Variants in COMMD1 observed in about 807,000 individuals in gnomAD.
COMMD1 encodes the protein copper metabolism domain containing 1.
Under a neutral mutation model 17.2 loss-of-function variants are expected in COMMD1, and 10 were observed. The ratio of observed to expected loss-of-function variants is 0.58; its 90% CI spans 0.36 to 0.99. The LOEUF (loss-of-function observed/expected upper bound fraction) is 0.99, where lower values mean the gene tolerates loss of function less well. Ranked by LOEUF, COMMD1 falls within the 50% of genes least tolerant of loss-of-function variation. COMMD1 has a pLI of 0.01. For synonymous variants in COMMD1, 97 were observed against 91.6 expected (o/e 1.06, Z -0.34); for missense variants, 270 against 231.8 (o/e 1.17, Z -1.07).
At chr2:61,986,670 G>A (rs190220708) in intron 1 of COMMD1, among the ~76,000 whole-genome samples, 3 of 149,756 alleles carry the variant, frequency 2.0e-5, no homozygotes, top group African/African-American at 7.4e-5. Context: ...CTGGGTTCAA[G>A]GAATTCTCAT....
At chr2:61,964,469 C>A (rs1418689487) in intron 1 of COMMD1, among the ~76,000 whole-genome samples, 1 of 152,186 alleles carries the variant, frequency 6.6e-6, no homozygotes, top group Non-Finnish European at 1.5e-5. Context: ...CCCATTTGGC[C>A]TCCCAAAGTG....
chr2:61,993,293 A>T (rs1187461650), intron 1 of COMMD1, among the ~76,000 whole-genome samples: 1 of 152,230 alleles, frequency 6.6e-6, no homozygotes, highest in African/African-American at 2.4e-5. Flanking sequence ...ATTATTTCAG[A>T]TGTAACAATC....
At chr2:62,066,149 A>G (rs1373044500) in intron 2 of COMMD1, among the ~76,000 whole-genome samples, 1 of 152,196 alleles carries the variant, frequency 6.6e-6, no homozygotes, top group Non-Finnish European at 1.5e-5. Flanking sequence ...AATTGGAGAG[A>G]GGACAACTGG....
intron 1 of COMMD1, among the ~76,000 whole-genome samples, chr2:61,953,815 G>A (rs141198719): frequency 2.0e-5 from 3 of 152,242 alleles, no homozygotes; most frequent in Admixed American, 2.0e-4. Context: ...GTACCTCATA[G>A]TTTTAAAATA....
At chr2:62,056,694 C>T (rs1442626888) in intron 2 of COMMD1, among the ~76,000 whole-genome samples, 1 of 152,160 alleles carries the variant, frequency 6.6e-6, no homozygotes, top group Non-Finnish European at 1.5e-5. Flanking sequence ...TGCATGATCA[C>T]CAATCTCAGC....
chr2:62,085,221 A>ATTTTTTTTTTTTT lies in COMMD1; in HGVS notation c.463-50608_463-50596dup, dbSNP rs36006181. 1.2e-3 allele frequency among the ~76,000 whole-genome samples: 170 copies of ATTTTTTTTTTTTT among 144,408 alleles called. 3 individuals carry two copies. The highest frequency in any genetic ancestry group is 3.2e-3 in the African/African-American group (125 of 39,156). 94.7% of individuals were successfully genotyped at this position (144,408 alleles called of 152,430 possible). A position where few individuals can be genotyped will look rare whatever the true frequency, so the allele number is the denominator to read the frequency against. ...AACTATAAGGATTGTTACAGTTTGA[A>ATTTTTTTTTTTTT]TTTTTTTTTTTTTTGAGACGGAGCC... On this transcript the variant is annotated intron_variant, in intron 2 of 2. Transcript: ENST00000311832.
chr2:62,055,489 G>A (rs1233340722), intron 2 of COMMD1: 1 of 455,802 alleles, frequency 2.2e-6, no homozygotes, highest in African/African-American at 2.0e-5. Context: ...TTGTATATGT[G>A]GCGACCGGCT....
chr2:62,083,603 T>C (rs1034232303), intron 2 of COMMD1, among the ~76,000 whole-genome samples: 4 of 152,240 alleles, frequency 2.6e-5, no homozygotes, highest in East Asian at 1.9e-4. Flanking sequence ...TTCCTACTTA[T>C]TCATTTTGTC....
At chr2:61,956,746 T>TTTTG (rs891317312) in intron 1 of COMMD1, among the ~76,000 whole-genome samples, 5 of 150,316 alleles carry the variant, frequency 3.3e-5, no homozygotes, top group Non-Finnish European at 5.9e-5. Context: ...GCATAGTTTT[T>TTTTG]TTTGTTTGTT....
chr2:62,078,239 C>CAA (rs56320690), intron 2 of COMMD1, among the ~76,000 whole-genome samples: 34 of 19,860 alleles, frequency 1.7e-3, no homozygotes, highest in East Asian at 7.0e-3. Flanking sequence ...CACACCAATG[C>CAA]AAAAAAAAAA....
chr2:62,059,164 A>AT (rs1034960304), intron 2 of COMMD1, among the ~76,000 whole-genome samples: 2 of 150,618 alleles, frequency 1.3e-5, no homozygotes, highest in African/African-American at 4.9e-5. Flanking sequence ...CTGTTTTATT[A>AT]TTTTTTTTTG....
At chr2:61,935,517 A>G (rs370477052) in intron 1 of COMMD1, among the ~76,000 whole-genome samples, 3 of 152,044 alleles carry the variant, frequency 2.0e-5, no homozygotes, top group East Asian at 3.9e-4. Context: ...AATCCTAGCT[A>G]CTTGGGAGGC....
At chr2:61,980,595 TG>T (rs1206192452) in intron 1 of COMMD1, among the ~76,000 whole-genome samples, 1 of 142,544 alleles carries the variant, frequency 7.0e-6, no homozygotes, top group East Asian at 2.0e-4. Context: ...TTGATGGGGT[TG>T]TTTGTTTTTT....
intron 1 of COMMD1, among the ~76,000 whole-genome samples, chr2:61,916,621 C>G (rs970311043): frequency 1.3e-5 from 2 of 151,452 alleles, no homozygotes; most frequent in East Asian, 2.0e-4. Flanking sequence ...GCGACAGGGT[C>G]TCCCTATGTT....
At chr2:61,940,174 A>G (rs1323889808) in intron 1 of COMMD1, among the ~76,000 whole-genome samples, 1 of 152,176 alleles carries the variant, frequency 6.6e-6, no homozygotes, top group Non-Finnish European at 1.5e-5. Context: ...GATTTGTCCC[A>G]TCTAGTACTC....
intron 1 of COMMD1, among the ~76,000 whole-genome samples, chr2:61,942,596 G>A (rs1304599794): frequency 1.4e-5 from 2 of 144,302 alleles, no homozygotes; most frequent in African/African-American, 5.2e-5. Context: ...CTGAAGGGCA[G>A]TGGTGTGATC....
chr2:62,032,743 TTCTC>T (rs1669943020), intron 2 of COMMD1, among the ~76,000 whole-genome samples: 1 of 150,682 alleles, frequency 6.6e-6, no homozygotes, highest in Non-Finnish European at 1.5e-5. Flanking sequence ...CTCTCTCTCT[TTCTC>T]TCTTTCACTC....
intron 1 of COMMD1, among the ~76,000 whole-genome samples, chr2:61,996,938 G>T (rs1462811266): frequency 6.6e-6 from 1 of 152,058 alleles, no homozygotes; most frequent in Non-Finnish European, 1.5e-5. Context: ...AATCGTGAAT[G>T]TTCTTAATGG....
chr2:62,000,689 T>C lies in COMMD1; in HGVS notation c.181-12T>C, dbSNP rs762809946. The C allele has an allele frequency of 1.2e-6, 2 of 1,613,954 alleles. No individual in the cohort carries two copies. The highest frequency in any genetic ancestry group is 2.2e-5 in the South Asian group (2 of 91,070). On this transcript the variant is annotated splice_polypyrimidine_tract_variant and intron_variant, in intron 1 of 2. Transcript: ENST00000311832. ...TAATTCAAATTTTTTGCTTTTTCTG[T>C]CATCTTTATAGTCTATTGCGTCTGC... is the stretch of plus-strand genomic sequence containing the variant.
Sources: allele counts gnomAD v4.1 joint callset (sites outside exome capture counted in the v4.1 genomes callset), GRCh38; gene constraint gnomAD v4.1.1; transcripts MANE v1.5; gene names NCBI Gene and HGNC (gene_info 2026-07-23, HGNC 2026-07-21).